The following ANKRD46 variants were observed in gnomAD, a reference collection of about 807,000 sequenced individuals.
The protein encoded by ANKRD46 is ankyrin repeat domain 46, also known as ankyrin repeat domain-containing protein 46.
A neutral mutation model predicts 19.8 loss-of-function variants in ANKRD46; 13 were observed. That is an observed-to-expected ratio of 0.66 (90% CI 0.43 to 1.04). The LOEUF is 1.04. Ranked by LOEUF, ANKRD46 falls within the 50% of genes least tolerant of loss-of-function variation. The pLI is 0.00. For synonymous variants in ANKRD46, 91 were observed against 106.9 expected (o/e 0.85, Z 0.92); for missense variants, 185 against 274.8 (o/e 0.67, Z 2.31).
At chr8:100,520,711 C>T (rs971029129), downstream of ANKRD46, 35 of 763,294 alleles carry the variant, frequency 4.6e-5, no homozygotes, top group Non-Finnish European at 5.0e-5. Flanking sequence ...CAATCCATTA[C>T]AAAATCCCCA....
rs1811764584 is a variant in ANKRD46, at chr8:100,522,980, ATGAG to A, written c.471-213_471-210del. ...CTAAACTGTAAATTGCTAAATGGTA[ATGAG>A]TATGTTTCTCTTGGTTTAGAATTTA... On this transcript the variant is annotated intron_variant, in intron 4 of 4. Transcript: ENST00000335659. 3.9e-5 allele frequency among the ~76,000 whole-genome samples: 6 copies of A among 152,016 alleles called. No homozygotes were observed. In the South Asian group the frequency reaches 1.2e-3, roughly 32 times the overall value.
rs990599701 is a variant in ANKRD46, at chr8:100,511,448, G to A, written c.637-809C>T. On this transcript the variant is annotated intron_variant, in intron 5 of 5. Transcript: ENST00000520552. The surrounding 1 kb of genome is among the most constrained non-coding windows in gnomAD (Gnocchi z 4.1). ...GGTAGACACCAAGTTGTGTGTGTGT[G>A]TGTGTGTGTGTGTCCTGTGGTGTAC... Among the ~76,000 whole-genome samples, 2 of 152,152 alleles carry A rather than the reference G, an allele frequency of 1.3e-5. No individual in the cohort carries two copies. Among genetic ancestry groups the A allele is most frequent in the Admixed American group, 6.6e-5 (1 of 15,262 alleles).
Position 100,511,092 on chromosome 8 carries a change from T to C in ANKRD46, c.637-453A>G, listed in dbSNP as rs1159361978. Among the ~76,000 whole-genome samples, 1 of 152,198 alleles carries C rather than the reference T, an allele frequency of 6.6e-6. No homozygotes were observed. The highest frequency in any genetic ancestry group is 1.5e-5 in the Non-Finnish European group (1 of 68,038). On this transcript the variant is annotated intron_variant, in intron 5 of 5. Transcript: ENST00000520552. This position sits in a 1 kb window ranked among gnomAD's most constrained non-coding sequence, Gnocchi z 4.1. ...AGTAATCATATAATTACGCTGATTA[T>C]TGAGAGCTGCTGTGCACCAACAACA...
intron 1 of ANKRD46, 134 bp from the exon 2 acceptor site, chr8:100,533,445 A>C (rs1812003749): frequency 6.6e-6 from 1 of 152,258 alleles, no homozygotes; most frequent in Non-Finnish European, 1.5e-5. Context: ...TCAACTTGTG[A>C]GGCCAGAAAA....
chr8:100,555,652 AC>A (rs1402749047), intron 1 of ANKRD46, among the ~76,000 whole-genome samples: 1 of 149,992 alleles, frequency 6.7e-6, no homozygotes, highest in African/African-American at 2.4e-5. Context: ...AGGAGAGCCA[AC>A]CAATGAAAAA....
chr8:100,551,879 G>A (rs905627061), intron 1 of ANKRD46, among the ~76,000 whole-genome samples: 1 of 152,214 alleles, frequency 6.6e-6, no homozygotes, highest in African/African-American at 2.4e-5. Context: ...GCTGGGTGCT[G>A]TGGCTCACAC....
At position 100,522,133 on chromosome 8, in the gene ANKRD46, CA is replaced by C. The variant is rs945945740; in HGVS notation, c.*421del. 37 of 989,858 alleles carry C rather than the reference CA, an allele frequency of 3.7e-5. No homozygotes were observed. The highest frequency in any genetic ancestry group is 1.2e-5 in the Non-Finnish European group (10 of 832,664). The allele number at this position is 989,858 out of a possible 1,614,324, so 61.3% of individuals were successfully genotyped here. On this transcript the variant is annotated 3_prime_UTR_variant, in exon 5 of 5. Coordinates refer to ENST00000335659, the MANE Select transcript of ANKRD46 (RefSeq NM_001270377.2). ...GAAAGTAAATAAAAAGTGGCTCTTG[CA>C]AAAATAAATGAAAACAAAACCACCA... is the stretch of plus-strand genomic sequence containing the variant.
At chr8:100,513,478 A>G (rs960308852) in intron 5 of ANKRD46, among the ~76,000 whole-genome samples, 1 of 152,190 alleles carries the variant, frequency 6.6e-6, no homozygotes, top group African/African-American at 2.4e-5. Flanking sequence ...ATTTGTTTTA[A>G]ACATGAAAAC....
chr8:100,531,158 G>A (rs1247726041), intron 2 of ANKRD46, among the ~76,000 whole-genome samples: 3 of 152,128 alleles, frequency 2.0e-5, no homozygotes, highest in African/African-American at 4.8e-5. Flanking sequence ...AAGAAACTTC[G>A]CTAGGAAATT....
chr8:100,529,908 A>G lies in ANKRD46; in HGVS notation c.-27-48T>C. 1 of 1,438,654 alleles carries G rather than the reference A, an allele frequency of 7.0e-7. No homozygotes were observed. The highest frequency in any genetic ancestry group is 1.4e-5 in the South Asian group (1 of 73,272). 89.1% of individuals were successfully genotyped at this position (1,438,654 alleles called of 1,614,324 possible). A position where few individuals can be genotyped will look rare whatever the true frequency, so the allele number is the denominator to read the frequency against. ...GATTCCATGAAGACAAATGAAATCA[A>G]GACAAAGGAGTCATTTAGAAAAGCA... is the stretch of plus-strand genomic sequence containing the variant. On this transcript the variant is annotated intron_variant, in intron 2 of 4. Coordinates refer to ENST00000335659, the MANE Select transcript of ANKRD46 (RefSeq NM_001270377.2). This position sits in a 1 kb window ranked among gnomAD's most constrained non-coding sequence, Gnocchi z 5.8.
In ANKRD46 at chr8:100,527,465, C is replaced by T. The variant is rs1445058933; in HGVS notation, c.470+380G>A. ...ACCTGTACTTAAAATCATCAAGCTC[C>T]GGCTTCCTCCCCTCAGATTCATTTG... On this transcript the variant is annotated intron_variant, in intron 4 of 4. Coordinates refer to ENST00000335659, the MANE Select transcript of ANKRD46 (RefSeq NM_001270377.2). The surrounding 1 kb of genome is among the most constrained non-coding windows in gnomAD (Gnocchi z 4.0). 6.6e-6 allele frequency among the ~76,000 whole-genome samples: 1 copy of T among 152,134 alleles called. No individual in the cohort carries two copies. Among genetic ancestry groups the T allele is most frequent in the Non-Finnish European group, 1.5e-5 (1 of 68,016 alleles).
In ANKRD46 at chr8:100,557,068, ACAAT is replaced by A. The variant is rs1273315957; in HGVS notation, c.-131+2639_-131+2642del. 1.3e-5 allele frequency among the ~76,000 whole-genome samples: 2 copies of A among 150,522 alleles called. No individual in the cohort carries two copies. The highest frequency in any genetic ancestry group is 2.4e-5 in the African/African-American group (1 of 40,834). ...ATAGCTGATGAGCTTAAAAAAAAAT[ACAAT>A]CAATCTCATAATGTTTTAAGTAAGT... is the stretch of plus-strand genomic sequence containing the variant. On this transcript the variant is annotated intron_variant, in intron 1 of 4. Coordinates refer to ENST00000335659, the MANE Select transcript of ANKRD46 (RefSeq NM_001270377.2). This position sits in a 1 kb window ranked among gnomAD's most constrained non-coding sequence, Gnocchi z 5.9.
chr8:100,524,850 T>C lies in ANKRD46; in HGVS notation c.471-2079A>G, dbSNP rs1811809681. 6.6e-6 allele frequency among the ~76,000 whole-genome samples: 1 copy of C among 152,236 alleles called. No individual in the cohort carries two copies. The highest frequency in any genetic ancestry group is 2.1e-4 in the South Asian group (1 of 4,832). On this transcript the variant is annotated intron_variant, in intron 4 of 4. Transcript: ENST00000335659. This position sits in a 1 kb window ranked among gnomAD's most constrained non-coding sequence, Gnocchi z 4.3. ...CTTTATCCAATGAAATGCTTTCTACTGTCCAGGGAATATCTGATTCTAACA... is the reference window on the plus strand; with the variant it reads ...CTTTATCCAATGAAATGCTTTCTACCGTCCAGGGAATATCTGATTCTAACA...
chr8:100,529,791 G>A lies in ANKRD46; in HGVS notation c.43C>T (p.Pro15Ser). ...FVNDSSQTNV[P>S]LLQACIDGDF... Reference sequence around the variant, plus strand: ...CCATCAATACAGGCTTGCAGCAAGGGCACGTTAGTCTGAGAAGAATCATTT... The same window carrying A: ...CCATCAATACAGGCTTGCAGCAAGGACACGTTAGTCTGAGAAGAATCATTT... Residue 15 changes from proline to serine, a missense_variant, in exon 3 of 5, where the codon CCC becomes TCC. Physicochemically the swap from Pro to Ser is moderately conservative, Grantham distance 74. Transcript: ENST00000335659. The surrounding 1 kb of genome is among the most constrained non-coding windows in gnomAD (Gnocchi z 5.8). 1 of 1,614,242 alleles carries A rather than the reference G, an allele frequency of 6.2e-7. No individual in the cohort carries two copies. Among genetic ancestry groups the A allele is most frequent in the South Asian group, 1.1e-5 (1 of 91,088 alleles).
In ANKRD46 at chr8:100,521,910, A is replaced by T. The variant is rs377641338; in HGVS notation, c.*645T>A. 3.0e-6 allele frequency: 3 copies of T among 983,708 alleles called. No individual in the cohort carries two copies. The highest frequency in any genetic ancestry group is 3.6e-6 in the Non-Finnish European group (3 of 828,326). 60.9% of individuals were successfully genotyped at this position (983,708 alleles called of 1,614,324 possible). ...AACAAGCAAAGCAGTTTACAAAAAG[A>T]TCAAAAATTATCCTAAAAACAAATA... On this transcript the variant is annotated 3_prime_UTR_variant, in exon 5 of 5. Coordinates refer to ENST00000335659, the MANE Select transcript of ANKRD46 (RefSeq NM_001270377.2).
In ANKRD46 at chr8:100,522,254, T is replaced by A. The variant is rs1421627574; in HGVS notation, c.*301A>T. 5.2e-6 allele frequency: 6 copies of A among 1,153,884 alleles called. No homozygotes were observed. Among genetic ancestry groups the A allele is most frequent in the Non-Finnish European group, 1.1e-6 (1 of 934,006 alleles). The allele number at this position is 1,153,884 out of a possible 1,614,324, so 71.5% of individuals were successfully genotyped here. On this transcript the variant is annotated 3_prime_UTR_variant, in exon 5 of 5. Transcript: ENST00000335659. ...GTTTTGATAGCAAGGACTTCCTAGC[T>A]TCTTCCTTTATCTTCCATTCTCTAG...
In ANKRD46 at chr8:100,537,776, C is replaced by T. The variant is rs1013379479; in HGVS notation, c.-130-4465G>A. ...ATTAACAATATATTTCTTCAGTCTG[C>T]TTATCTTCAGCAGCTATTTAAACAG... is the stretch of plus-strand genomic sequence containing the variant. On this transcript the variant is annotated intron_variant, in intron 1 of 4. Coordinates refer to ENST00000335659, the MANE Select transcript of ANKRD46 (RefSeq NM_001270377.2). This position sits in a 1 kb window ranked among gnomAD's most constrained non-coding sequence, Gnocchi z 4.2. Among the ~76,000 whole-genome samples the T allele has an allele frequency of 1.1e-4, 17 of 152,164 alleles. No homozygotes were observed. Among genetic ancestry groups the T allele is most frequent in the Non-Finnish European group, 1.9e-4 (13 of 68,026 alleles).
rs913326798 is a variant in ANKRD46, at chr8:100,521,275, A to G, written c.*1280T>C. 1.3e-5 allele frequency: 13 copies of G among 985,254 alleles called. No homozygotes were observed. The highest frequency in any genetic ancestry group is 1.7e-5 in the African/African-American group (1 of 57,218). The allele number at this position is 985,254 out of a possible 1,614,324, so 61.0% of individuals were successfully genotyped here. A position where few individuals can be genotyped will look rare whatever the true frequency, so the allele number is the denominator to read the frequency against. On this transcript the variant is annotated 3_prime_UTR_variant, in exon 5 of 5. Coordinates refer to ENST00000335659, the MANE Select transcript of ANKRD46 (RefSeq NM_001270377.2). ...AATTCTAGCAGCAATTCAATTAGCA[A>G]TAGCTTAGGTGCCTTTATTCCAAAA...
rs1811715155 is a variant in ANKRD46 at position 100,521,088 on chromosome 8, C to T, written c.*1467G>A. 1 of 984,926 alleles carries T rather than the reference C, an allele frequency of 1.0e-6. No homozygotes were observed. Among genetic ancestry groups the T allele is most frequent in the African/African-American group, 1.8e-5 (1 of 57,092 alleles). 61.0% of individuals were successfully genotyped at this position (984,926 alleles called of 1,614,324 possible). On this transcript the variant is annotated 3_prime_UTR_variant, in exon 5 of 5. Transcript: ENST00000335659. ...AAAAGCAAGACTCTGCAAGCTGATC[C>T]TGAAGCAGCCAGTTACTCAGGAATT...
Sources: gnomAD v4.1 joint callset for allele counts (sites outside exome capture counted in the v4.1 genomes callset) on GRCh38, gnomAD v4.1.1 for gene constraint, Gnocchi (gnomAD v3.1) non-coding constraint, MANE v1.5 for transcripts, NCBI Gene and HGNC (gene_info 2026-07-23, HGNC 2026-07-21) for gene names.